STK32B: variants seen among roughly 807,000 people sequenced by gnomAD.
The protein encoded by STK32B is serine/threonine-protein kinase 32B.
STK32B carries 43 observed loss-of-function variants against 52.6 expected under a neutral mutation model. The observed-to-expected ratio is 0.82, with a 90% CI of 0.64 to 1.05. The LOEUF (loss-of-function observed/expected upper bound fraction) is 1.05, where lower values mean the gene tolerates loss of function less well. Ranked by LOEUF, STK32B falls within the 50% of genes least tolerant of loss-of-function variation. The pLI is 0.00. For synonymous variants in STK32B, 238 were observed against 204.3 expected (o/e 1.17, Z -1.41); for missense variants, 621 against 534.6 (o/e 1.16, Z -1.59).
chr4:5,114,250 C>T (rs1010204146), intron 1 of STK32B, among the ~76,000 whole-genome samples: 1 of 151,800 alleles, frequency 6.6e-6, no homozygotes, highest in Non-Finnish European at 1.5e-5. Flanking sequence ...ATACTTTCCC[C>T]AGTTCCACCC....
At chr4:5,198,069 C>T (rs1344952430) in intron 3 of STK32B, among the ~76,000 whole-genome samples, 1 of 152,030 alleles carries the variant, frequency 6.6e-6, no homozygotes, top group Non-Finnish European at 1.5e-5. Context: ...AGAAACTACC[C>T]CCTATGATGA....
the STK32B span, among the ~76,000 whole-genome samples, chr4:5,041,081 A>G: frequency 0.97 from 147,430 of 152,266 alleles, 71,563 homozygotes; most frequent in East Asian, 1. Context: ...TCTGCTACGT[A>G]TGGTTCCTGC....
intron 3 of STK32B, among the ~76,000 whole-genome samples, chr4:5,211,337 G>A (rs946926143): frequency 1.3e-5 from 2 of 152,166 alleles, no homozygotes; most frequent in Non-Finnish European, 2.9e-5. Context: ...GAAAAGATTT[G>A]TAATTCTGGG....
intron 3 of STK32B, among the ~76,000 whole-genome samples, chr4:5,235,213 G>A (rs982110891): frequency 6.6e-6 from 1 of 152,216 alleles, no homozygotes; most frequent in Admixed American, 6.5e-5. Flanking sequence ...TGCACTGCCT[G>A]TTGCACATGG....
intron 3 of STK32B, among the ~76,000 whole-genome samples, chr4:5,187,591 T>G (rs1720841685): frequency 8.9e-6 from 1 of 111,748 alleles, no homozygotes; most frequent in Admixed American, 1.0e-4. Flanking sequence ...GGATGGGGTG[T>G]GTCGGGGCAG....
At chr4:5,094,521 G>A (rs985690039) in intron 1 of STK32B, among the ~76,000 whole-genome samples, 2 of 152,104 alleles carry the variant, frequency 1.3e-5, no homozygotes, top group South Asian at 4.1e-4. Flanking sequence ...GGGCATGGTG[G>A]TGTGCACCTG....
intron 1 of STK32B, among the ~76,000 whole-genome samples, chr4:5,106,580 A>G (rs1366174760): frequency 6.6e-6 from 1 of 152,204 alleles, no homozygotes; most frequent in African/African-American, 2.4e-5. Context: ...ACTTCATGTC[A>G]TTCAGTCCAT....
chr4:5,459,950 C>T (rs1168825405), intron 8 of STK32B, among the ~76,000 whole-genome samples, 153 bp from the exon 9 acceptor site: 5 of 152,164 alleles, frequency 3.3e-5, no homozygotes, highest in Admixed American at 2.0e-4. Flanking sequence ...GTGCAGATGG[C>T]GCTTCCAACA....
chr4:5,330,926 C>G lies in STK32B; in HGVS notation c.261-294C>G, dbSNP rs73794568. Reference sequence around the variant, plus strand: ...TGCTAAAAACGGATGAAGAAACATGCTGGAGTCCAGTAGTAGTTAAACTGT... The same window carrying G: ...TGCTAAAAACGGATGAAGAAACATGGTGGAGTCCAGTAGTAGTTAAACTGT... On this transcript the variant is annotated intron_variant, in intron 3 of 11. Transcript: ENST00000282908. 8.1e-3 allele frequency among the ~76,000 whole-genome samples: 1,232 copies of G among 152,282 alleles called. 25 individuals carry two copies. Among genetic ancestry groups the G allele is most frequent in the African/African-American group, 0.021 (882 of 41,558 alleles).
At chr4:5,370,996 G>GTGTATA (rs570241863) in intron 4 of STK32B, among the ~76,000 whole-genome samples, 12 of 141,124 alleles carry the variant, frequency 8.5e-5, no homozygotes, top group Admixed American at 5.6e-4. Flanking sequence ...GTGTGTGTGT[G>GTGTATA]TATATATATA....
intron 3 of STK32B, among the ~76,000 whole-genome samples, chr4:5,304,194 G>A (rs775123376): frequency 2.6e-5 from 4 of 151,942 alleles, no homozygotes; most frequent in Non-Finnish European, 4.4e-5. Flanking sequence ...TTTTAGGATT[G>A]TTTTCTCTAG....
chr4:5,314,456 G>A (rs1217769134), intron 3 of STK32B, among the ~76,000 whole-genome samples: 4 of 152,110 alleles, frequency 2.6e-5, no homozygotes, highest in African/African-American at 7.2e-5. Context: ...GATCACCTGA[G>A]GTCAACAGTT....
chr4:5,155,559 A>C (rs1717757063), intron 2 of STK32B, among the ~76,000 whole-genome samples: 1 of 152,116 alleles, frequency 6.6e-6, no homozygotes, highest in South Asian at 2.1e-4. Context: ...CTGTGTCCCC[A>C]CCCAAATCTC....
At chr4:5,448,806 T>G (rs1315383540) in intron 7 of STK32B, among the ~76,000 whole-genome samples, 1 of 152,192 alleles carries the variant, frequency 6.6e-6, no homozygotes, top group African/African-American at 2.4e-5. Flanking sequence ...TTCTCCCAGA[T>G]ATATTTGACT....
Position 5,380,770 on chromosome 4 carries a change from A to C in STK32B, c.435-17437A>C, listed in dbSNP as rs9654055. Reference sequence around the variant, plus strand: ...CTGGACTCCACCCATTTTGTAGCTGACACTGCTGTTACCTACAATCATGCA... The same window carrying C: ...CTGGACTCCACCCATTTTGTAGCTGCCACTGCTGTTACCTACAATCATGCA... On this transcript the variant is annotated intron_variant, in intron 4 of 11. Transcript: ENST00000282908. The surrounding 1 kb of genome is among the most constrained non-coding windows in gnomAD (Gnocchi z 4.3). Among the ~76,000 whole-genome samples the C allele has an allele frequency of 0.015, 2,333 of 152,302 alleles. 27 individuals are homozygous for C. The highest frequency in any genetic ancestry group is 0.058 in the South Asian group (280 of 4,822).
intron 3 of STK32B, among the ~76,000 whole-genome samples, chr4:5,316,149 CTAAA>C (rs1205552728): frequency 4.2e-5 from 3 of 72,176 alleles, no homozygotes; most frequent in South Asian, 3.7e-4. Flanking sequence ...ATATATATAA[CTAAA>C]TATATATAAC....
intron 5 of STK32B, among the ~76,000 whole-genome samples, chr4:5,409,340 G>A (rs1213031754): frequency 6.6e-6 from 1 of 152,108 alleles, no homozygotes; most frequent in Non-Finnish European, 1.5e-5. Context: ...TCATTGCAAG[G>A]AGTAGATCAT....
At chr4:5,158,475 C>A (rs908794433) in intron 2 of STK32B, among the ~76,000 whole-genome samples, 1 of 152,138 alleles carries the variant, frequency 6.6e-6, no homozygotes, top group African/African-American at 2.4e-5. Flanking sequence ...GCAAATTCTC[C>A]ACGTTGTTTG....
intron 3 of STK32B, among the ~76,000 whole-genome samples, chr4:5,173,591 A>C (rs1003797287): frequency 5.3e-5 from 8 of 152,144 alleles, no homozygotes; most frequent in South Asian, 2.1e-4. Flanking sequence ...CAGGTTGTTA[A>C]GTTTCCATGT....
Sources: gnomAD v4.1 joint callset for allele counts (sites outside exome capture counted in the v4.1 genomes callset) on GRCh38, gnomAD v4.1.1 for gene constraint, Gnocchi (gnomAD v3.1) non-coding constraint, MANE v1.5 for transcripts, NCBI Gene and HGNC (gene_info 2026-07-23, HGNC 2026-07-21) for gene names.